The following DGLUCY variants were observed in gnomAD, a reference collection of about 807,000 sequenced individuals.
DGLUCY encodes the protein D-glutamate cyclase, mitochondrial.
DGLUCY carries 58 observed loss-of-function variants against 58.5 expected under a neutral mutation model. The ratio of observed to expected loss-of-function variants is 0.99; its 90% CI spans 0.80 to 1.23. The LOEUF (loss-of-function observed/expected upper bound fraction) is 1.23, where lower values mean the gene tolerates loss of function less well. DGLUCY is among the 50% of genes most tolerant of loss of function. DGLUCY has a pLI of 0.00. For missense variants in DGLUCY, 779 were observed against 784.7 expected (o/e 0.99, Z 0.09); for synonymous variants, 325 against 314.1 (o/e 1.03, Z -0.37).
At chr14:91,160,870 A>C (rs1477789147) in intron 3 of DGLUCY, among the ~76,000 whole-genome samples, 1 of 152,186 alleles carries the variant, frequency 6.6e-6, no homozygotes, top group Non-Finnish European at 1.5e-5. Context: ...ACAGATACCA[A>C]ATTTGTCATT....
chr14:91,222,955 G>A (rs373297004), intron 13 of DGLUCY, among the ~76,000 whole-genome samples: 91 of 152,280 alleles, frequency 6.0e-4, no homozygotes, highest in African/African-American at 2.0e-3. Context: ...TGGAGAGAGC[G>A]AGAGCTCTGG....
At chr14:91,184,599 G>A (rs1189566916) in intron 8 of DGLUCY, among the ~76,000 whole-genome samples, 1 of 111,768 alleles carries the variant, frequency 8.9e-6, no homozygotes, top group Non-Finnish European at 1.9e-5. Flanking sequence ...GGGAGGGAGG[G>A]AGGGAGTCTG....
At chr14:91,135,836 G>A (rs544589279) in intron 1 of DGLUCY, among the ~76,000 whole-genome samples, 6 of 150,258 alleles carry the variant, frequency 4.0e-5, no homozygotes, top group African/African-American at 1.5e-4. Flanking sequence ...CCTTTAACAT[G>A]GTAATATGAT....
At chr14:91,165,301 T>C in intron 3 of DGLUCY, 1 of 456,070 alleles carries the variant, frequency 2.2e-6, no homozygotes, top group Non-Finnish European at 4.4e-6. Context: ...AGGTGCTCAA[T>C]AACTTACATA....
chr14:91,118,072 CCCG>C (rs1489372734), intron 1 of DGLUCY, among the ~76,000 whole-genome samples: 13 of 17,334 alleles, frequency 7.5e-4, no homozygotes, highest in African/African-American at 2.4e-3. Flanking sequence ...GTAAATTCTC[CCCG>C]CCCCCCCCCC....
At chr14:91,069,728 TG>T (rs2043883599) in intron 1 of DGLUCY, among the ~76,000 whole-genome samples, 1 of 151,954 alleles carries the variant, frequency 6.6e-6, no homozygotes, top group South Asian at 2.1e-4. Flanking sequence ...TCCAAGTAGC[TG>T]GAACTACAGC....
intron 11 of DGLUCY, among the ~76,000 whole-genome samples, chr14:91,201,560 G>A (rs2050563293): frequency 1.3e-5 from 2 of 152,076 alleles, no homozygotes; most frequent in South Asian, 2.1e-4. Flanking sequence ...GCCTTCCAAA[G>A]TGCTGGGATT....
At chr14:91,219,885 T>G (rs2140777856) in intron 13 of DGLUCY, among the ~76,000 whole-genome samples, 1 of 152,192 alleles carries the variant, frequency 6.6e-6, no homozygotes, top group South Asian at 2.1e-4. Flanking sequence ...GTGCTGCAAT[T>G]TGGCAGGGTG....
At chr14:91,070,438 C>G (rs1044198613) in intron 1 of DGLUCY, among the ~76,000 whole-genome samples, 2 of 152,178 alleles carry the variant, frequency 1.3e-5, no homozygotes, top group African/African-American at 4.8e-5. Context: ...CCGATTGCCT[C>G]AAAGTCCTTC....
At chr14:91,076,836 C>T (rs899235629) in intron 1 of DGLUCY, among the ~76,000 whole-genome samples, 4 of 152,098 alleles carry the variant, frequency 2.6e-5, no homozygotes, top group Non-Finnish European at 5.9e-5. Context: ...GAGGGAGTTA[C>T]GGGCTAGACC....
chr14:91,168,023 G>A (rs144134462), intron 4 of DGLUCY, among the ~76,000 whole-genome samples: 4,305 of 152,232 alleles, frequency 0.028, 77 homozygotes, highest in South Asian at 0.037. Context: ...CCAGTACTTC[G>A]GGAGGCTGAG....
exon 1 of DGLUCY, chr14:91,060,469 G>C (rs201279993): frequency 2.2e-6 from 3 of 1,392,090 alleles, no homozygotes; most frequent in Middle Eastern, 1.9e-4. Context: ...GGGTCGCTAC[G>C]AGGGGAACCC....
chr14:91,135,999 A>G (rs553610402), intron 1 of DGLUCY, among the ~76,000 whole-genome samples: 206 of 133,060 alleles, frequency 1.5e-3, no homozygotes, highest in African/African-American at 5.5e-3. Context: ...CAGTGCTGCA[A>G]TCTCGGCTCA....
rs1418436136 is a variant in DGLUCY, at chr14:91,225,282, G to A, written c.*449G>A. On this transcript the variant is annotated 3_prime_UTR_variant, in exon 14 of 14. Coordinates refer to ENST00000256324, the MANE Select transcript of DGLUCY (RefSeq NM_001102368.3). ...ATGGTTTCTGTTACTCATGGTTTCA[G>A]TTACTCATAGCCAACTGCAGACCGA... 1.3e-5 allele frequency: 2 copies of A among 153,732 alleles called. No individual in the cohort carries two copies. The highest frequency in any genetic ancestry group is 4.8e-5 in the African/African-American group (2 of 41,514). The allele number at this position is 153,732 out of a possible 1,614,324, so 9.5% of individuals were successfully genotyped here.
At chr14:91,105,930 T>C (rs911713456), upstream of DGLUCY, among the ~76,000 whole-genome samples, 11 of 152,232 alleles carry the variant, frequency 7.2e-5, no homozygotes, top group Admixed American at 2.6e-4. Flanking sequence ...CAGTTGCTAC[T>C]GTAAGCAATT....
Position 91,196,417 on chromosome 14 carries a change from G to A in DGLUCY, c.1238G>A (p.Gly413Glu). 1.2e-6 allele frequency: 2 copies of A among 1,614,156 alleles called. No homozygotes were observed. Among genetic ancestry groups the A allele is most frequent in the South Asian group, 2.2e-5 (2 of 91,080 alleles). The change falls in exon 10 of 14, where the codon GGA becomes GAA. Residue 413 changes from glycine (G) to glutamate (E), a missense_variant. Transcript: ENST00000256324. ...ATCCCGATATTAACTTACCAAGGTG[G>A]ATCAGTGGAAGCTGCTCAGGCATTC... ...TQIPILTYQGGSVEAAQAFLC... is the reference protein window; with the variant it reads ...TQIPILTYQGESVEAAQAFLC...
At chr14:91,188,054 A>G (rs1406712078) in intron 8 of DGLUCY, among the ~76,000 whole-genome samples, 1 of 152,022 alleles carries the variant, frequency 6.6e-6, no homozygotes, top group Non-Finnish European at 1.5e-5. Flanking sequence ...AAGCCCCGGG[A>G]TGCTTTGCTC....
intron 3 of DGLUCY, among the ~76,000 whole-genome samples, chr14:91,163,363 C>T (rs2048100194): frequency 6.6e-6 from 1 of 152,244 alleles, no homozygotes; most frequent in South Asian, 2.1e-4. Flanking sequence ...CAAATCCCCT[C>T]CCACCTCGCT....
At chr14:91,195,053 G>A (rs1347122996) in intron 9 of DGLUCY, among the ~76,000 whole-genome samples, 3 of 152,182 alleles carry the variant, frequency 2.0e-5, no homozygotes, top group Admixed American at 6.5e-5. Context: ...CTGGCTCTAC[G>A]TGAGGGGTGT....
Sources: gnomAD v4.1 joint callset for allele counts (sites outside exome capture counted in the v4.1 genomes callset) on GRCh38, gnomAD v4.1.1 for gene constraint, MANE v1.5 for transcripts, NCBI Gene and HGNC (gene_info 2026-07-23, HGNC 2026-07-21) for gene names.